The following NRG2 variants were observed in gnomAD, a reference collection of about 807,000 sequenced individuals.
The protein encoded by NRG2 is pro-neuregulin-2, membrane-bound isoform.
In NRG2, 27 loss-of-function variants were observed where a neutral mutation model predicts 73.9. The ratio of observed to expected loss-of-function variants is 0.37; its 90% CI spans 0.27 to 0.50. The LOEUF (loss-of-function observed/expected upper bound fraction) is 0.50. Ranked by LOEUF, NRG2 falls within the 20% of genes least tolerant of loss-of-function variation. The pLI, the probability that NRG2 is intolerant of heterozygous loss-of-function variation, is 0.96. For synonymous variants in NRG2, 532 were observed against 541.0 expected (o/e 0.98, Z 0.23); for missense variants, 1,126 against 1,210.1 (o/e 0.93, Z 1.03).
intron 1 of NRG2, among the ~76,000 whole-genome samples, chr5:139,893,283 G>T (rs1764337475): frequency 6.6e-6 from 1 of 152,134 alleles, no homozygotes; most frequent in South Asian, 2.1e-4. Flanking sequence ...CCAACGTTCT[G>T]CTAATAATAA....
Position 139,852,792 on chromosome 5 carries a change from A to C in NRG2, c.1416+112T>G, listed in dbSNP as rs1262045530. On this transcript the variant is annotated intron_variant, in intron 7 of 9. Transcript: ENST00000361474. The surrounding 1 kb of genome is among the most constrained non-coding windows in gnomAD (Gnocchi z 4.4). ...CCTGGTGAGGCAGTGCCTAGCAGGC[A>C]AGGCTGGCCATGGGATAGGCTGGCT... 1 of 1,533,628 alleles carries C rather than the reference A, an allele frequency of 6.5e-7. No individual in the cohort carries two copies. The highest frequency in any genetic ancestry group is 1.4e-5 in the African/African-American group (1 of 71,984).
chr5:139,995,167 T>A (rs997115437), intron 1 of NRG2, among the ~76,000 whole-genome samples: 12 of 152,180 alleles, frequency 7.9e-5, no homozygotes, highest in African/African-American at 2.9e-4. Flanking sequence ...GACATTCAGA[T>A]GACAGCTATT....
At chr5:139,908,859 A>C (rs545150915) in intron 1 of NRG2, among the ~76,000 whole-genome samples, 106 of 152,356 alleles carry the variant, frequency 7.0e-4, no homozygotes, top group Non-Finnish European at 1.3e-3. Context: ...CCACTTCCCC[A>C]GCCTCCCAGT....
rs372657832 is a variant in NRG2, at chr5:139,955,346, A to G, written c.701-67835T>C. 3.3e-5 allele frequency among the ~76,000 whole-genome samples: 5 copies of G among 152,300 alleles called. No homozygotes were observed. In the East Asian group the frequency reaches 9.6e-4, roughly 29 times the overall value. ...GAGAGGTGTTGCAGAGAGGAGGAGC[A>G]GCAGCGGCAGAGGCCCAGAGGGGAG... On this transcript the variant is annotated intron_variant, in intron 1 of 9. Transcript: ENST00000361474.
rs181171223 is a variant in NRG2, at chr5:139,871,816, C to T, written c.1017G>A (p.Ser339=). The T allele has an allele frequency of 9.3e-6, 15 of 1,614,076 alleles. No individual in the cohort carries two copies. The highest frequency in any genetic ancestry group is 4.0e-5 in the African/African-American group (3 of 75,040). The part of the protein sequence containing the change: ...NSVSTTLSSW[S]GHARKCNETA... ...TCTCGTTGCACTTCCGGGCGTGCCC[C>T]GACCAGGATGACAGGGTGGTGCTCA... Residue 339 remains serine (S), a synonymous_variant, in exon 4 of 10, where the codon TCG becomes TCA. Transcript: ENST00000361474.
intron 1 of NRG2, among the ~76,000 whole-genome samples, chr5:139,998,072 T>A (rs1467524626): frequency 6.6e-6 from 1 of 152,162 alleles, no homozygotes; most frequent in Non-Finnish European, 1.5e-5. Flanking sequence ...GGAACAAAAA[T>A]ACCCTGTTTC....
At chr5:139,859,889 C>T in intron 5 of NRG2, 1 of 1,612,418 alleles carries the variant, frequency 6.2e-7, no homozygotes, top group Non-Finnish European at 8.5e-7. Flanking sequence ...GGTTTCATAC[C>T]CTTTAATTCA....
In NRG2 at chr5:139,851,857, G is replaced by A. The variant is rs748373186; in HGVS notation, c.1545-26C>T. ...CTGGGAAGGCCAGATGGGGTGAGAC[G>A]AGGGGTCAGGAAGGGGCAGGGCGGC... On this transcript the variant is annotated intron_variant, in intron 8 of 9. Transcript: ENST00000361474. This position sits in a 1 kb window ranked among gnomAD's most constrained non-coding sequence, Gnocchi z 4.2. 8.1e-6 allele frequency: 13 copies of A among 1,607,752 alleles called. No homozygotes were observed. In the Admixed American group the frequency reaches 8.4e-5, roughly 10 times the overall value.
In NRG2 at chr5:139,852,411, A is replaced by G. The variant is rs374162573; in HGVS notation, c.1544+21T>C. The G allele has an allele frequency of 6.2e-7, 1 of 1,608,268 alleles. No homozygotes were observed. Among genetic ancestry groups the G allele is most frequent in the African/African-American group, 1.3e-5 (1 of 74,604 alleles). On this transcript the variant is annotated intron_variant, in intron 8 of 9. Coordinates refer to ENST00000361474, the MANE Select transcript of NRG2 (RefSeq NM_004883.3). This position sits in a 1 kb window ranked among gnomAD's most constrained non-coding sequence, Gnocchi z 4.4. Reference sequence around the variant, plus strand: ...GAAGTATGTGAGTCTACAAGTTTCCATGGGCCTTGGTGGTGCCTACCTGTG... The same window carrying G: ...GAAGTATGTGAGTCTACAAGTTTCCGTGGGCCTTGGTGGTGCCTACCTGTG...
intron 1 of NRG2, among the ~76,000 whole-genome samples, chr5:139,928,869 A>G (rs1324526924): frequency 6.6e-6 from 1 of 152,194 alleles, no homozygotes; most frequent in Non-Finnish European, 1.5e-5. Context: ...ACATCCTGTC[A>G]CTAGCTGTGC....
intron 1 of NRG2, among the ~76,000 whole-genome samples, chr5:139,920,661 C>T (rs1341946770): frequency 6.6e-6 from 1 of 152,138 alleles, no homozygotes; most frequent in Non-Finnish European, 1.5e-5. Flanking sequence ...CCAGTATAAA[C>T]CATGCTTCTC....
At chr5:140,041,666 TAAAAAAAAAA>T (rs762926051) in intron 1 of NRG2, among the ~76,000 whole-genome samples, 6 of 92,002 alleles carry the variant, frequency 6.5e-5, no homozygotes, top group African/African-American at 2.2e-4. Context: ...CAGAAACAGC[TAAAAAAAAAA>T]AAAAAAAAAG....
intron 1 of NRG2, among the ~76,000 whole-genome samples, chr5:139,960,907 A>C (rs942906958): frequency 6.6e-6 from 1 of 152,216 alleles, no homozygotes; most frequent in Non-Finnish European, 1.5e-5. Flanking sequence ...CAAGACCTGG[A>C]GACCTGCCCA....
intron 3 of NRG2, 79 bp from the exon 4 acceptor site, chr5:139,871,920 C>T (rs532427363): frequency 2.2e-5 from 34 of 1,546,978 alleles, no homozygotes; most frequent in African/African-American, 6.8e-5. Context: ...TCATGCCCCA[C>T]GTCAAAACTG....
chr5:139,944,411 C>T (rs1324613840), intron 1 of NRG2, among the ~76,000 whole-genome samples: 1 of 152,130 alleles, frequency 6.6e-6, no homozygotes, highest in African/African-American at 2.4e-5. Context: ...CCTTCCTTCC[C>T]TATACTCTTC....
chr5:140,027,077 C>T (rs1760752191), intron 1 of NRG2, among the ~76,000 whole-genome samples: 1 of 152,184 alleles, frequency 6.6e-6, no homozygotes, highest in Non-Finnish European at 1.5e-5. Flanking sequence ...ACCTCCCAGA[C>T]TCAAGTGAGC....
Position 140,042,837 on chromosome 5 carries a change from G to C in NRG2, c.233C>G (p.Ala78Gly). Residue 78 changes from alanine to glycine, a missense_variant, in exon 1 of 10, where the codon GCC becomes GGC. By Grantham distance (60) the Ala-to-Gly change is moderately conservative. Coordinates refer to ENST00000361474, the MANE Select transcript of NRG2 (RefSeq NM_004883.3). ...QQQPQPRSPAARRAAARSRAA... is the reference protein window; with the variant it reads ...QQQPQPRSPAGRRAAARSRAA... ...TCGCGAACGGGCGGCGGCTCTCCGG[G>C]CTGCGGGGCTGCGGGGCTGCGGCTG... The C allele has an allele frequency of 6.8e-7, 1 of 1,464,788 alleles. No individual in the cohort carries two copies. Among genetic ancestry groups the C allele is most frequent in the African/African-American group, 1.5e-5 (1 of 68,356 alleles). The allele number at this position is 1,464,788 out of a possible 1,614,324, so 90.7% of individuals were successfully genotyped here.
At chr5:139,950,024 TG>T (rs1163501925) in intron 1 of NRG2, among the ~76,000 whole-genome samples, 1 of 152,184 alleles carries the variant, frequency 6.6e-6, no homozygotes, top group Non-Finnish European at 1.5e-5. Context: ...AGGGAAAATT[TG>T]TTAAGAGCAG....
In NRG2 at chr5:139,954,087, C is replaced by G. The variant is rs1687445083; in HGVS notation, c.701-66576G>C. ...GTGGCTGGAAGCTGAAAAAAAGAGA[C>G]CCAGGGAGGGGTGGGGGACACAGAG... is the stretch of plus-strand genomic sequence containing the variant. On this transcript the variant is annotated intron_variant, in intron 1 of 9. Transcript: ENST00000361474. The surrounding 1 kb of genome is among the most constrained non-coding windows in gnomAD (Gnocchi z 5.0). Among the ~76,000 whole-genome samples the G allele has an allele frequency of 6.6e-6, 1 of 152,092 alleles. No individual in the cohort carries two copies. Among genetic ancestry groups the G allele is most frequent in the African/African-American group, 2.4e-5 (1 of 41,410 alleles).
Sources: gnomAD v4.1 joint callset for allele counts (sites outside exome capture counted in the v4.1 genomes callset) on GRCh38, gnomAD v4.1.1 for gene constraint, Gnocchi (gnomAD v3.1) non-coding constraint, MANE v1.5 for transcripts, NCBI Gene and HGNC (gene_info 2026-07-23, HGNC 2026-07-21) for gene names.